The following PLCB1 variants were observed in gnomAD, a reference collection of about 807,000 sequenced individuals.
The protein encoded by PLCB1 is phospholipase C beta 1.
Under a neutral mutation model 161.8 loss-of-function variants are expected in PLCB1, and 46 were observed. That is an observed-to-expected ratio of 0.28 (90% CI 0.22 to 0.36). PLCB1 has a LOEUF of 0.36. Among genes scored for constraint, PLCB1 ranks in the 10% least tolerant of loss-of-function variants. The pLI is 1.00. For missense variants in PLCB1, 1,016 were observed against 1,472.5 expected (o/e 0.69, Z 5.07); for synonymous variants, 517 against 503.7 (o/e 1.03, Z -0.35).
At chr20:8,512,632 A>T (rs886575096) in intron 3 of PLCB1, among the ~76,000 whole-genome samples, 1 of 152,048 alleles carries the variant, frequency 6.6e-6, no homozygotes, top group African/African-American at 2.4e-5. Flanking sequence ...ATGTATACAT[A>T]TATCAAATTT....
chr20:8,769,202 G>A (rs1228618252), intron 26 of PLCB1, among the ~76,000 whole-genome samples: 1 of 152,092 alleles, frequency 6.6e-6, no homozygotes, highest in Non-Finnish European at 1.5e-5. Context: ...AGCATTAACA[G>A]AGCGTTGTGT....
intron 10 of PLCB1, among the ~76,000 whole-genome samples, chr20:8,686,344 AC>A (rs1990357045): frequency 1.3e-5 from 2 of 152,212 alleles, no homozygotes. Flanking sequence ...ATTTAGGACC[AC>A]AAAACTCAAA....
At chr20:8,271,743 C>A (rs771935713) in intron 2 of PLCB1, among the ~76,000 whole-genome samples, 7 of 152,044 alleles carry the variant, frequency 4.6e-5, no homozygotes, top group Non-Finnish European at 8.8e-5. Flanking sequence ...TTGGAACCAA[C>A]CAAGACAGAA....
chr20:8,803,344 T>TACTTCC (rs1440468027), intron 31 of PLCB1, among the ~76,000 whole-genome samples: 1 of 152,258 alleles, frequency 6.6e-6, no homozygotes, highest in Middle Eastern at 3.4e-3. Context: ...ACCTCCAGGC[T>TACTTCC]TAAGCACCTG....
intron 2 of PLCB1, among the ~76,000 whole-genome samples, chr20:8,304,335 T>C (rs1984032113): frequency 6.6e-6 from 1 of 152,088 alleles, no homozygotes; most frequent in South Asian, 2.1e-4. Flanking sequence ...CAAAGGGGTG[T>C]CCAGTTGCTG....
At position 8,855,039 on chromosome 20, in the gene PLCB1, AT is replaced by A. The variant is rs1441832903; in HGVS notation, c.3424-26580del. The stretch of plus-strand genomic sequence containing the variant: ...ACGATGTATGCACAATGAATTTAAA[AT>A]TTCTCTCTGTTGCAGATGGTAGCAA... On this transcript the variant is annotated intron_variant, in intron 31 of 31. Coordinates refer to ENST00000338037, the MANE Select transcript of PLCB1 (RefSeq NM_015192.4). Among the ~76,000 whole-genome samples the A allele has an allele frequency of 2.6e-5, 4 of 152,236 alleles. No homozygotes were observed. In the South Asian group the frequency reaches 6.2e-4, roughly 24 times the overall value.
rs1311923088 is a variant in PLCB1 at position 8,523,494 on chromosome 20, CTCTATATATA to C, written c.247-104798_247-104789del. On this transcript the variant is annotated intron_variant, in intron 3 of 31. Coordinates refer to ENST00000338037, the MANE Select transcript of PLCB1 (RefSeq NM_015192.4). ...TCTCTCTCTCTCTCTCTCTCTCTCT[CTCTATATATA>C]TATATATATATATATATGGAGAGAG... is the stretch of plus-strand genomic sequence containing the variant. Among the ~76,000 whole-genome samples the C allele has an allele frequency of 5.4e-4, 27 of 49,602 alleles. 1 individual carries two copies. The highest frequency in any genetic ancestry group is 2.0e-3 in the African/African-American group (25 of 12,570). 32.5% of individuals were successfully genotyped at this position (49,602 alleles called of 152,430 possible).
intron 23 of PLCB1, among the ~76,000 whole-genome samples, chr20:8,749,006 A>G (rs1175227714): frequency 1.3e-5 from 2 of 152,202 alleles, no homozygotes; most frequent in African/African-American, 4.8e-5. Flanking sequence ...TACAATGCAG[A>G]TTCAGATTCA....
intron 2 of PLCB1, among the ~76,000 whole-genome samples, chr20:8,196,413 T>G (rs1166472604): frequency 1.3e-5 from 2 of 152,106 alleles, no homozygotes; most frequent in African/African-American, 2.4e-5. Context: ...GTGTATCACA[T>G]TTAGAAAGAA....
At chr20:8,880,577 AGTTT>A (rs1987936161) in intron 31 of PLCB1, among the ~76,000 whole-genome samples, 1 of 152,208 alleles carries the variant, frequency 6.6e-6, no homozygotes, top group African/African-American at 2.4e-5. Context: ...TGGTTACACG[AGTTT>A]GTTTACTTTG....
intron 2 of PLCB1, among the ~76,000 whole-genome samples, chr20:8,351,170 C>T (rs1986165011): frequency 6.6e-6 from 1 of 152,004 alleles, no homozygotes; most frequent in South Asian, 2.1e-4. Context: ...AAAATAATAG[C>T]AAGCCCCCAT....
chr20:8,665,868 C>A (rs1989798162), intron 9 of PLCB1, among the ~76,000 whole-genome samples: 1 of 152,116 alleles, frequency 6.6e-6, no homozygotes. Flanking sequence ...AAACCTCAGG[C>A]AAGAGACTTG....
intron 3 of PLCB1, among the ~76,000 whole-genome samples, chr20:8,589,022 C>T (rs964131346): frequency 6.6e-6 from 1 of 152,170 alleles, no homozygotes; most frequent in East Asian, 1.9e-4. Flanking sequence ...TGTCCGACAT[C>T]ATGGTAAGTC....
chr20:8,253,810 C>T (rs1224711473), intron 2 of PLCB1, among the ~76,000 whole-genome samples: 4 of 151,868 alleles, frequency 2.6e-5, no homozygotes, highest in Non-Finnish European at 5.9e-5. Context: ...TCTATTGTTG[C>T]TATCTTTGTG....
At chr20:8,726,048 T>C (rs1023747618) in intron 16 of PLCB1, among the ~76,000 whole-genome samples, 28 of 152,034 alleles carry the variant, frequency 1.8e-4, no homozygotes, top group African/African-American at 5.6e-4. Context: ...TTAGAGTGGA[T>C]TGGAGAAGGT....
intron 2 of PLCB1, among the ~76,000 whole-genome samples, chr20:8,265,030 C>T (rs901482611): frequency 6.6e-6 from 1 of 152,136 alleles, no homozygotes; most frequent in African/African-American, 2.4e-5. Flanking sequence ...AAGGAAATTA[C>T]TCGTAAGTCC....
intron 4 of PLCB1, among the ~76,000 whole-genome samples, chr20:8,637,066 A>G (rs900990541): frequency 1.3e-5 from 2 of 151,554 alleles, no homozygotes; most frequent in Admixed American, 6.6e-5. Context: ...ACTTTTTGGA[A>G]GGAAGAGGAG....
At chr20:8,324,705 A>T (rs1292684809) in intron 2 of PLCB1, among the ~76,000 whole-genome samples, 2 of 152,214 alleles carry the variant, frequency 1.3e-5, no homozygotes, top group African/African-American at 4.8e-5. Flanking sequence ...ATAAAAGTGT[A>T]AGCTCTGCCA....
At chr20:8,434,605 T>C (rs1469818392) in intron 3 of PLCB1, among the ~76,000 whole-genome samples, 2 of 152,188 alleles carry the variant, frequency 1.3e-5, no homozygotes, top group African/African-American at 4.8e-5. Flanking sequence ...ATACCAAACA[T>C]TCTACTGGTA....
Sources: gnomAD v4.1 joint callset for allele counts (sites outside exome capture counted in the v4.1 genomes callset) on GRCh38, gnomAD v4.1.1 for gene constraint, MANE v1.5 for transcripts, NCBI Gene and HGNC (gene_info 2026-07-23, HGNC 2026-07-21) for gene names.